Variants in ADTRP observed in about 807,000 individuals in gnomAD.
ADTRP encodes the protein androgen dependent TFPI regulating protein.
Under a neutral mutation model 27.0 loss-of-function variants are expected in ADTRP, and 20 were observed. The ratio of observed to expected loss-of-function variants is 0.74; its 90% CI spans 0.52 to 1.08. The LOEUF is 1.08. ADTRP is among the 50% of genes least tolerant of loss of function. The pLI is 0.00. For missense variants in ADTRP, 251 were observed against 275.0 expected, an observed-to-expected ratio of 0.91 and a Z score of 0.62; for synonymous variants, 101 against 105.2, an observed-to-expected ratio of 0.96 and a Z score of 0.25.
chr6:11,772,661 G>A (rs1268921831), intron 1 of ADTRP, among the ~76,000 whole-genome samples: 1 of 152,190 alleles, frequency 6.6e-6, no homozygotes, highest in East Asian at 1.9e-4. Flanking sequence ...CCTTTGAAAT[G>A]ATGCAAGAAT....
At chr6:11,735,402 C>T (rs950606205) in intron 4 of ADTRP, among the ~76,000 whole-genome samples, 166 bp downstream of exon 4, 5 of 152,170 alleles carry the variant, frequency 3.3e-5, no homozygotes, top group Non-Finnish European at 7.3e-5. Flanking sequence ...TTTCCATGAG[C>T]ATTAAAATCA....
At chr6:11,755,141 C>A in intron 3 of ADTRP, 2 of 861,304 alleles carry the variant, frequency 2.3e-6, no homozygotes, top group Non-Finnish European at 2.8e-6. Flanking sequence ...GACTCACCAG[C>A]AAGCCCTCAA....
intron 3 of ADTRP, chr6:11,754,974 T>C: frequency 1.1e-6 from 1 of 944,358 alleles, no homozygotes; most frequent in Non-Finnish European, 1.3e-6. Flanking sequence ...TCCACTTAGA[T>C]TTTTAGTTTT....
intron 3 of ADTRP, 32 bp downstream of exon 3, chr6:11,766,242 T>C: frequency 1.3e-6 from 2 of 1,531,106 alleles, no homozygotes; most frequent in South Asian, 1.2e-5. Context: ...GCTATTGGTG[T>C]TCTGAGTTCA....
intron 5 of ADTRP, among the ~76,000 whole-genome samples, chr6:11,715,806 CTTTTTTTTTTTTTTTTTTT>C (rs55961408): frequency 7.7e-5 from 6 of 77,700 alleles, no homozygotes; most frequent in African/African-American, 3.2e-4. Flanking sequence ...CCATGCCCAG[CTTTTTTTTTTTTTTTTTTT>C]TTTTTTTTTT....
chr6:11,723,304 G>GGT, intron 5 of ADTRP, 45 bp downstream of exon 5: 1 of 1,602,228 alleles, frequency 6.2e-7, no homozygotes, highest in Non-Finnish European at 8.5e-7. Flanking sequence ...GGGAGAGGCA[G>GGT]ACACGGAAGA....
intron 3 of ADTRP, among the ~76,000 whole-genome samples, chr6:11,745,213 T>C (rs1195191799): frequency 6.6e-6 from 1 of 152,048 alleles, no homozygotes; most frequent in African/African-American, 2.4e-5. Flanking sequence ...TGTGTGTGTA[T>C]GTGTGTGTGT....
chr6:11,733,688 AT>A (rs1762456083), intron 4 of ADTRP, among the ~76,000 whole-genome samples: 1 of 152,104 alleles, frequency 6.6e-6, no homozygotes, highest in South Asian at 2.1e-4. Flanking sequence ...TATCCTCCAT[AT>A]TTTAGCACAG....
intron 3 of ADTRP, among the ~76,000 whole-genome samples, chr6:11,745,198 G>C (rs199776720): frequency 1.4e-5 from 2 of 144,414 alleles, no homozygotes; most frequent in African/African-American, 2.5e-5. Context: ...CTCTCTCTCT[G>C]TGGGTGTGTG....
intron 4 of ADTRP, among the ~76,000 whole-genome samples, chr6:11,725,510 T>A (rs574386598): frequency 4.3e-4 from 65 of 152,234 alleles, no homozygotes; most frequent in African/African-American, 1.3e-3. Flanking sequence ...GATACTATAT[T>A]TTTTTTAAAA....
chr6:11,737,759 G>C (rs1049148445), intron 3 of ADTRP, among the ~76,000 whole-genome samples: 20 of 152,182 alleles, frequency 1.3e-4, no homozygotes, highest in Non-Finnish European at 2.6e-4. Context: ...ACGATGCCTA[G>C]AGGAACAGCA....
chr6:11,725,683 C>T (rs552411404), intron 4 of ADTRP, among the ~76,000 whole-genome samples: 3 of 152,130 alleles, frequency 2.0e-5, no homozygotes, highest in Admixed American at 1.3e-4. Context: ...CTTCTGGGTA[C>T]ACACCCAAAA....
At chr6:11,774,891 C>T (rs1763903407) in intron 1 of ADTRP, among the ~76,000 whole-genome samples, 1 of 152,198 alleles carries the variant, frequency 6.6e-6, no homozygotes, top group Non-Finnish European at 1.5e-5. Context: ...TTGTGGAGGA[C>T]TCAGGCACTG....
chr6:11,728,464 C>A (rs1762285851), intron 4 of ADTRP: 1 of 152,430 alleles, frequency 6.6e-6, no homozygotes. Context: ...ACACCTCTGA[C>A]CTTTTTGTTT....
At chr6:11,754,039 C>T (rs1370176228) in intron 3 of ADTRP, among the ~76,000 whole-genome samples, 6 of 152,136 alleles carry the variant, frequency 3.9e-5, no homozygotes, top group East Asian at 3.8e-4. Flanking sequence ...TGTCAGCCCC[C>T]GTTAAAAGTT....
chr6:11,731,662 G>A (rs960846605), intron 4 of ADTRP, among the ~76,000 whole-genome samples: 11 of 151,828 alleles, frequency 7.2e-5, no homozygotes, highest in Non-Finnish European at 1.0e-4. Flanking sequence ...CAATCCTGCC[G>A]GTCCTTCAGG....
At chr6:11,742,050 C>A (rs78145600) in intron 3 of ADTRP, among the ~76,000 whole-genome samples, 2 of 130,592 alleles carry the variant, frequency 1.5e-5, no homozygotes, top group African/African-American at 5.0e-5. Flanking sequence ...TTGGTACCTA[C>A]AATCACTTAG....
intron 3 of ADTRP, among the ~76,000 whole-genome samples, chr6:11,739,947 GA>G (rs1256222324): frequency 1.3e-4 from 20 of 152,298 alleles, no homozygotes; most frequent in African/African-American, 4.8e-4. Context: ...AAAATTCAGA[GA>G]GCCTACATAT....
rs183535970 is a variant in ADTRP, at chr6:11,718,519, C to A, written c.659-4007G>T. Among the ~76,000 whole-genome samples the A allele has an allele frequency of 1.7e-3, 252 of 152,284 alleles. 4 individuals carry two copies. Among genetic ancestry groups the A allele is most frequent in the Non-Finnish European group, 3.7e-4 (25 of 68,020 alleles). On this transcript the variant is annotated intron_variant, in intron 5 of 5. Coordinates refer to ENST00000414691, the MANE Select transcript of ADTRP (RefSeq NM_032744.4). The stretch of plus-strand genomic sequence containing the variant: ...ATAGGATGTCCTGATTGCCTCTTGC[C>A]CCCAGTCAATGTGGAAGAGAACCTG...
Sources: gnomAD v4.1 joint callset for allele counts (sites outside exome capture counted in the v4.1 genomes callset) on GRCh38, gnomAD v4.1.1 for gene constraint, MANE v1.5 for transcripts, NCBI Gene and HGNC (gene_info 2026-07-23, HGNC 2026-07-21) for gene names.